Variants in DGKI observed in about 807,000 individuals in gnomAD.
The protein encoded by DGKI is DAG kinase iota.
In DGKI, 55 loss-of-function variants were observed where a neutral mutation model predicts 147.5. The ratio of observed to expected loss-of-function variants is 0.37; its 90% CI spans 0.30 to 0.47. The LOEUF (loss-of-function observed/expected upper bound fraction) is 0.47, where lower values mean the gene tolerates loss of function less well. DGKI is among the 20% of genes least tolerant of loss of function. DGKI has a pLI of 1.00. For synonymous variants in DGKI, 469 were observed against 477.1 expected, an observed-to-expected ratio of 0.98 and a Z score of 0.22; for missense variants, 1,007 against 1,323.8, an observed-to-expected ratio of 0.76 and a Z score of 3.71.
chr7:137,767,471 G>GAAGGGAAGA (rs1796046296), intron 1 of DGKI, among the ~76,000 whole-genome samples: 6 of 89,616 alleles, frequency 6.7e-5, no homozygotes, highest in Non-Finnish European at 1.1e-4. Context: ...AGAAGAGAAG[G>GAAGGGAAGA]GAAGAGAAGA....
chr7:137,598,234 T>C (rs1819867541), intron 11 of DGKI, among the ~76,000 whole-genome samples: 1 of 152,222 alleles, frequency 6.6e-6, no homozygotes, highest in Non-Finnish European at 1.5e-5. Context: ...TCCTTCTTTT[T>C]CTTTTCCCAT....
chr7:137,693,016 G>A (rs147903355), intron 1 of DGKI, among the ~76,000 whole-genome samples: 44 of 152,174 alleles, frequency 2.9e-4, no homozygotes, highest in Admixed American at 5.9e-4. Context: ...AAATAACCAT[G>A]GGAGAAAATC....
At chr7:137,659,343 C>T (rs547211354) in intron 3 of DGKI, among the ~76,000 whole-genome samples, 2 of 152,098 alleles carry the variant, frequency 1.3e-5, no homozygotes, top group African/African-American at 4.8e-5. Flanking sequence ...TTTAGCAAAT[C>T]GGAAATTTTA....
At chr7:137,668,671 G>A (rs749030134) in intron 3 of DGKI, among the ~76,000 whole-genome samples, 11 of 152,150 alleles carry the variant, frequency 7.2e-5, no homozygotes, top group Non-Finnish European at 1.3e-4. Flanking sequence ...ATAAATAAGC[G>A]AGCAATTTTT....
intron 1 of DGKI, among the ~76,000 whole-genome samples, chr7:137,820,126 T>A (rs1242676904): frequency 6.6e-6 from 1 of 152,190 alleles, no homozygotes; most frequent in Non-Finnish European, 1.5e-5. Flanking sequence ...TCACTCATCC[T>A]TGCATCTAGG....
At chr7:137,764,416 C>A (rs532824171) in intron 1 of DGKI, among the ~76,000 whole-genome samples, 56 of 152,280 alleles carry the variant, frequency 3.7e-4, no homozygotes, top group African/African-American at 1.3e-3. Flanking sequence ...CAGGATGGCT[C>A]CTGTTTAATT....
intron 30 of DGKI, 77 bp downstream of exon 30, chr7:137,407,798 A>G: frequency 6.4e-7 from 1 of 1,564,008 alleles, no homozygotes; most frequent in Non-Finnish European, 8.7e-7. Context: ...GCCTGGATGA[A>G]GGGTAACTTA....
chr7:137,798,573 T>C (rs193212075), intron 1 of DGKI, among the ~76,000 whole-genome samples: 1 of 152,162 alleles, frequency 6.6e-6, no homozygotes, highest in Admixed American at 6.6e-5. Flanking sequence ...GTGTGCACCA[T>C]CACGCCTAGC....
intron 19 of DGKI, among the ~76,000 whole-genome samples, chr7:137,568,267 T>G (rs1585239334): frequency 1.3e-5 from 2 of 152,300 alleles, no homozygotes; most frequent in East Asian, 3.9e-4. Flanking sequence ...TCCTCCTACT[T>G]CCAAATGTTT....
intron 21 of DGKI, among the ~76,000 whole-genome samples, chr7:137,520,793 C>T (rs1050144945): frequency 1.8e-4 from 27 of 152,128 alleles, no homozygotes; most frequent in African/African-American, 6.5e-4. Flanking sequence ...CTGGGATTAT[C>T]CTTGGACCTC....
intron 12 of DGKI, among the ~76,000 whole-genome samples, chr7:137,590,684 G>C (rs706561): frequency 0.093 from 14,090 of 152,058 alleles, 1,752 homozygotes; most frequent in African/African-American, 0.29. Context: ...TCTATGAATC[G>C]ATGCTGTGTT....
At chr7:137,428,168 A>C (rs76614360) in intron 28 of DGKI, among the ~76,000 whole-genome samples, 133,426 of 138,948 alleles carry the variant, frequency 0.96, 64,312 homozygotes, top group East Asian at 1. Flanking sequence ...TACTGGCAAA[A>C]CGAATCCAGC....
intron 1 of DGKI, among the ~76,000 whole-genome samples, chr7:137,826,676 T>C (rs751794631): frequency 3.1e-4 from 47 of 152,194 alleles, no homozygotes; most frequent in Admixed American, 5.9e-4. Flanking sequence ...ATCCACTTCA[T>C]TTTTGTTTTT....
chr7:137,829,602 C>T (rs896288267), intron 1 of DGKI, among the ~76,000 whole-genome samples: 5 of 152,142 alleles, frequency 3.3e-5, no homozygotes, highest in Non-Finnish European at 7.4e-5. Flanking sequence ...AAGAAGGAAC[C>T]GGATTTCAAA....
intron 6 of DGKI, among the ~76,000 whole-genome samples, chr7:137,638,630 GTGTGTA>G (rs1405567440): frequency 7.4e-4 from 3 of 4,058 alleles, no homozygotes; most frequent in Admixed American, 3.9e-3. Flanking sequence ...ACATATATAT[GTGTGTA>G]TATATGTGTA....
chr7:137,467,587 A>C (rs186079767), intron 24 of DGKI, among the ~76,000 whole-genome samples: 1 of 152,342 alleles, frequency 6.6e-6, no homozygotes, highest in East Asian at 1.9e-4. Context: ...TGTCTGAAGG[A>C]AGCCAAAACA....
intron 1 of DGKI, among the ~76,000 whole-genome samples, chr7:137,749,736 T>A (rs1041088263): frequency 1.3e-5 from 2 of 152,234 alleles, no homozygotes; most frequent in Admixed American, 6.5e-5. Flanking sequence ...CAAAATTCAA[T>A]TCTGATTCCT....
intron 1 of DGKI, among the ~76,000 whole-genome samples, chr7:137,690,986 T>C (rs1346704064): frequency 3.9e-5 from 6 of 152,176 alleles, no homozygotes; most frequent in Non-Finnish European, 8.8e-5. Flanking sequence ...TGATTTGTGA[T>C]TGAACTAAGT....
chr7:137,777,033 AT>A (rs929472233), intron 1 of DGKI, among the ~76,000 whole-genome samples: 6 of 151,792 alleles, frequency 4.0e-5, no homozygotes, highest in Non-Finnish European at 7.4e-5. Context: ...AAAAAAAAAA[AT>A]TTTTTTTAAT....
Sources: gnomAD v4.1 joint callset for allele counts (sites outside exome capture counted in the v4.1 genomes callset) on GRCh38, gnomAD v4.1.1 for gene constraint, MANE v1.5 for transcripts, NCBI Gene and HGNC (gene_info 2026-07-23, HGNC 2026-07-21) for gene names.